The following GABRG3 variants were observed in gnomAD, a reference collection of about 807,000 sequenced individuals.
GABRG3 encodes the protein gamma-aminobutyric acid receptor subunit gamma-3.
Under a neutral mutation model 48.8 loss-of-function variants are expected in GABRG3, and 25 were observed. The observed-to-expected ratio is 0.51, with a 90% CI of 0.37 to 0.72. GABRG3 has a LOEUF of 0.72. Ranked by LOEUF, GABRG3 falls within the 30% of genes least tolerant of loss-of-function variation. The probability of loss-of-function intolerance (pLI) is 0.00; values close to 1 mark genes in which losing one functional copy is unlikely to be tolerated. For missense variants in GABRG3, 394 were observed against 577.9 expected, an observed-to-expected ratio of 0.68 and a Z score of 3.26; for synonymous variants, 227 against 217.6, an observed-to-expected ratio of 1.04 and a Z score of -0.38.
intron 3 of GABRG3, among the ~76,000 whole-genome samples, chr15:27,285,858 T>C (rs1891592203): frequency 6.6e-6 from 1 of 152,194 alleles, no homozygotes; most frequent in Admixed American, 6.5e-5. Context: ...CCACCTTACT[T>C]CTGCTCAAGT....
At chr15:27,507,575 A>G (rs760194027) in intron 6 of GABRG3, among the ~76,000 whole-genome samples, 4 of 152,144 alleles carry the variant, frequency 2.6e-5, no homozygotes, top group Admixed American at 6.6e-5. Flanking sequence ...GTGGCCCAGA[A>G]TATGTTCTAT....
rs75879476 is a variant in GABRG3, at chr15:27,248,260, C to T, written c.271-78549C>T. 3.2e-3 allele frequency among the ~76,000 whole-genome samples: 486 copies of T among 152,274 alleles called. 2 individuals are homozygous for T. The highest frequency in any genetic ancestry group is 0.011 in the African/African-American group (458 of 41,552). On this transcript the variant is annotated intron_variant, in intron 3 of 9. Coordinates refer to ENST00000615808, the MANE Select transcript of GABRG3 (RefSeq NM_033223.5). ...AATCTCACTGCTTTCAAAAGGACCT[C>T]GCGCCCTCCTAGGAGCAGGTGCCCT...
chr15:27,124,823 C>G (rs1250309975), intron 3 of GABRG3, among the ~76,000 whole-genome samples: 1 of 152,226 alleles, frequency 6.6e-6, no homozygotes, highest in Admixed American at 6.5e-5. Context: ...AGGAGCTGTT[C>G]TGGTTCCTTT....
chr15:27,081,032 G>A (rs1391516551), intron 3 of GABRG3, among the ~76,000 whole-genome samples: 2 of 152,164 alleles, frequency 1.3e-5, no homozygotes, highest in East Asian at 1.9e-4. Flanking sequence ...GGTCCCTAAC[G>A]GGTGGCTGAG....
intron 3 of GABRG3, among the ~76,000 whole-genome samples, chr15:27,040,020 T>C (rs1896248202): frequency 6.6e-6 from 1 of 152,260 alleles, no homozygotes; most frequent in South Asian, 2.1e-4. Context: ...TCTCCTTTCC[T>C]TACCTTCCCC....
At chr15:27,411,948 A>G (rs560433340) in intron 5 of GABRG3, among the ~76,000 whole-genome samples, 3 of 152,192 alleles carry the variant, frequency 2.0e-5, no homozygotes, top group African/African-American at 7.2e-5. Flanking sequence ...TCTTTCTCCA[A>G]TGCTCTTTCT....
chr15:27,137,155 A>G (rs1160198022), intron 3 of GABRG3, among the ~76,000 whole-genome samples: 1 of 152,182 alleles, frequency 6.6e-6, no homozygotes, highest in Non-Finnish European at 1.5e-5. Context: ...TGCAGTTATC[A>G]ATACCCCAGG....
chr15:27,353,429 TTTA>T lies in GABRG3; in HGVS notation c.574+24544_574+24546del, dbSNP rs1474580602. Among the ~76,000 whole-genome samples the T allele has an allele frequency of 3.8e-3, 565 of 147,986 alleles. 1 individual carries two copies. Among genetic ancestry groups the T allele is most frequent in the African/African-American group, 0.014 (531 of 38,836 alleles). Reference sequence around the variant, plus strand: ...GTGTGCATAGTTTTCTTTCTTTCTATTTATTTATTTATTTATTTATTTATTTAT... The same window carrying T: ...GTGTGCATAGTTTTCTTTCTTTCTATTTTATTTATTTATTTATTTATTTAT... On this transcript the variant is annotated intron_variant, in intron 5 of 9. Coordinates refer to ENST00000615808, the MANE Select transcript of GABRG3 (RefSeq NM_033223.5).
In GABRG3 at chr15:27,136,167, A is replaced by T. The variant is rs1898004973; in HGVS notation, c.270+109346A>T. Among the ~76,000 whole-genome samples the T allele has an allele frequency of 3.9e-5, 6 of 152,282 alleles. No homozygotes were observed. The South Asian group carries it at 1.2e-3, about 32-fold the overall frequency. ...TTGTGAAAGGGGTGCTATGAACATG[A>T]ATTAAATATGAATGCAGTGATAAAA... On this transcript the variant is annotated intron_variant, in intron 3 of 9. Transcript: ENST00000615808.
At chr15:27,396,344 G>T (rs557562562) in intron 5 of GABRG3, among the ~76,000 whole-genome samples, 1 of 152,238 alleles carries the variant, frequency 6.6e-6, no homozygotes, top group Admixed American at 6.5e-5. Flanking sequence ...AATGGTAAAA[G>T]AGTTAAACAG....
At chr15:27,422,885 A>ATG (rs1361744176) in intron 5 of GABRG3, among the ~76,000 whole-genome samples, 2 of 152,164 alleles carry the variant, frequency 1.3e-5, no homozygotes, top group Non-Finnish European at 2.9e-5. Context: ...TAGCCAAGGG[A>ATG]TACAGAGCAA....
intron 3 of GABRG3, among the ~76,000 whole-genome samples, chr15:27,189,288 G>A (rs1888212327): frequency 1.3e-5 from 2 of 151,358 alleles, no homozygotes; most frequent in African/African-American, 4.8e-5. Context: ...GCTTGATGGG[G>A]ATGGCATTGA....
chr15:27,252,400 G>T (rs1890487097), intron 3 of GABRG3, among the ~76,000 whole-genome samples: 1 of 152,170 alleles, frequency 6.6e-6, no homozygotes, highest in African/African-American at 2.4e-5. Context: ...CGTCCTGTAT[G>T]TGGGTGGCTG....
At chr15:27,427,048 T>G (rs1566836040) in intron 5 of GABRG3, among the ~76,000 whole-genome samples, 1 of 152,196 alleles carries the variant, frequency 6.6e-6, no homozygotes, top group Non-Finnish European at 1.5e-5. Context: ...GGAAATAAAA[T>G]TCTATTGTTT....
chr15:27,093,660 A>T (rs921632419), intron 3 of GABRG3, among the ~76,000 whole-genome samples: 7 of 152,202 alleles, frequency 4.6e-5, no homozygotes, highest in African/African-American at 1.4e-4. Flanking sequence ...TTTTAGAAAG[A>T]TATCAGGCTA....
At chr15:26,987,618 T>G (rs1163236496) in intron 2 of GABRG3, among the ~76,000 whole-genome samples, 1 of 152,216 alleles carries the variant, frequency 6.6e-6, no homozygotes, top group Non-Finnish European at 1.5e-5. Flanking sequence ...CCGGAAGAGC[T>G]GGAAGTCAGA....
At chr15:27,312,970 A>G (rs1893046760) in intron 3 of GABRG3, among the ~76,000 whole-genome samples, 1 of 150,922 alleles carries the variant, frequency 6.6e-6, no homozygotes, top group East Asian at 2.0e-4. Context: ...TGGGTGCACA[A>G]TATAAATGGA....
intron 3 of GABRG3, among the ~76,000 whole-genome samples, chr15:27,106,921 T>G (rs991029731): frequency 6.6e-6 from 1 of 152,092 alleles, no homozygotes; most frequent in African/African-American, 2.4e-5. Flanking sequence ...TAATTTATAA[T>G]TGTAGTAGTC....
chr15:27,039,799 C>G (rs923753281), intron 3 of GABRG3, among the ~76,000 whole-genome samples: 5 of 152,194 alleles, frequency 3.3e-5, no homozygotes, highest in African/African-American at 1.2e-4. Context: ...GCAGGAGGCA[C>G]CCCTCGCTGT....
Sources: allele counts gnomAD v4.1 joint callset (sites outside exome capture counted in the v4.1 genomes callset), GRCh38; gene constraint gnomAD v4.1.1; transcripts MANE v1.5; gene names NCBI Gene and HGNC (gene_info 2026-07-23, HGNC 2026-07-21).